The following KCNT2 variants were observed in gnomAD, a reference collection of about 807,000 sequenced individuals.
KCNT2 encodes potassium channel subfamily T member 2.
A neutral mutation model predicts 153.8 loss-of-function variants in KCNT2; 67 were observed. That is an observed-to-expected ratio of 0.44 (90% CI 0.36 to 0.53). KCNT2 has a LOEUF of 0.53. Ranked by LOEUF, KCNT2 falls within the 20% of genes least tolerant of loss-of-function variation. The pLI is 0.00. For missense variants in KCNT2, 975 were observed against 1,354.8 expected, an observed-to-expected ratio of 0.72 and a Z score of 4.40; for synonymous variants, 500 against 458.8, an observed-to-expected ratio of 1.09 and a Z score of -1.15.
intron 12 of KCNT2, among the ~76,000 whole-genome samples, chr1:196,400,162 C>A (rs1229217664): frequency 2.0e-5 from 3 of 151,598 alleles, no homozygotes; most frequent in Non-Finnish European, 4.4e-5. Flanking sequence ...CAAGTGAATA[C>A]TTGTTAATCA....
At chr1:196,336,732 C>T (rs888867859) in intron 16 of KCNT2, among the ~76,000 whole-genome samples, 1 of 152,200 alleles carries the variant, frequency 6.6e-6, no homozygotes, top group Admixed American at 6.6e-5. Context: ...AGTCAATTGA[C>T]ACTTCTCAGT....
intron 2 of KCNT2, 27 bp downstream of exon 2, chr1:196,492,235 C>G: frequency 2.9e-6 from 4 of 1,395,320 alleles, no homozygotes; most frequent in East Asian, 2.9e-5. Flanking sequence ...TATGTACGAA[C>G]AGAGGGGAAT....
chr1:196,586,099 A>T (rs1391560814), intron 1 of KCNT2, among the ~76,000 whole-genome samples: 3 of 151,940 alleles, frequency 2.0e-5, no homozygotes, highest in East Asian at 2.0e-4. Context: ...ATCTCTATTT[A>T]AAAAAATACA....
chr1:196,346,513 G>A (rs1666155991), intron 14 of KCNT2, among the ~76,000 whole-genome samples: 1 of 152,004 alleles, frequency 6.6e-6, no homozygotes, highest in Non-Finnish European at 1.5e-5. Context: ...TCTTCTCTGT[G>A]AATTCACTAA....
chr1:196,328,203 CTA>C (rs923030221), intron 18 of KCNT2, among the ~76,000 whole-genome samples: 2 of 151,962 alleles, frequency 1.3e-5, no homozygotes, highest in Non-Finnish European at 2.9e-5. Context: ...ATACCTAAAT[CTA>C]TTTCTCTGTA....
At chr1:196,355,147 GAT>G (rs1667068972) in intron 14 of KCNT2, among the ~76,000 whole-genome samples, 1 of 151,468 alleles carries the variant, frequency 6.6e-6, no homozygotes, top group Non-Finnish European at 1.5e-5. Flanking sequence ...TAAGTCTGCA[GAT>G]AGAACTGACT....
At chr1:196,606,450 G>A (rs1283635082) in intron 1 of KCNT2, among the ~76,000 whole-genome samples, 2 of 152,170 alleles carry the variant, frequency 1.3e-5, no homozygotes, top group Non-Finnish European at 2.9e-5. Flanking sequence ...AGTAGTAAAT[G>A]TGGCCTGCTT....
rs938719525 is a variant in KCNT2, at chr1:196,285,903, AT to A, written c.2596-146del. On this transcript the variant is annotated intron_variant, in intron 22 of 27. Coordinates refer to ENST00000294725, the MANE Select transcript of KCNT2 (RefSeq NM_198503.5). Reference sequence around the variant, plus strand: ...GTGTCATTACTTCACTGATAATCATATTTTTTAAACTGCCCTTTCGTTTTGC... The same window carrying A: ...GTGTCATTACTTCACTGATAATCATATTTTTAAACTGCCCTTTCGTTTTGC... 10 of 594,188 alleles carry A rather than the reference AT, an allele frequency of 1.7e-5. No individual in the cohort carries two copies. The African/African-American group carries it at 1.9e-4, about 11-fold the overall frequency. The allele number at this position is 594,188 out of a possible 1,614,324, so 36.8% of individuals were successfully genotyped here. A position where few individuals can be genotyped will look rare whatever the true frequency, so the allele number is the denominator to read the frequency against.
chr1:196,455,718 C>T (rs1019405442), intron 8 of KCNT2, among the ~76,000 whole-genome samples: 1 of 151,920 alleles, frequency 6.6e-6, no homozygotes, highest in Non-Finnish European at 1.5e-5. Context: ...TATTGGCCCT[C>T]TTAGATGATT....
intron 1 of KCNT2, among the ~76,000 whole-genome samples, chr1:196,578,746 A>C (rs1473410953): frequency 6.6e-6 from 1 of 152,168 alleles, no homozygotes; most frequent in African/African-American, 2.4e-5. Flanking sequence ...AGAGGGAGTA[A>C]CAAGGAAATA....
intron 13 of KCNT2, among the ~76,000 whole-genome samples, chr1:196,384,041 C>T (rs545270783): frequency 7.2e-5 from 11 of 152,250 alleles, no homozygotes; most frequent in Non-Finnish European, 1.5e-4. Flanking sequence ...TCTAACCACA[C>T]ACATTAAAAA....
At chr1:196,377,306 G>A (rs1211563326) in intron 13 of KCNT2, among the ~76,000 whole-genome samples, 5 of 151,862 alleles carry the variant, frequency 3.3e-5, no homozygotes, top group Admixed American at 6.6e-5. Context: ...GGGAGAGAGA[G>A]TACATTTTCA....
intron 20 of KCNT2, chr1:196,317,224 C>T: frequency 2.2e-6 from 1 of 451,322 alleles, no homozygotes; most frequent in Non-Finnish European, 4.5e-6. Context: ...AAATATTTCG[C>T]TTGAATCAGG....
At chr1:196,545,916 T>C (rs1169925010) in intron 1 of KCNT2, among the ~76,000 whole-genome samples, 1 of 152,118 alleles carries the variant, frequency 6.6e-6, no homozygotes, top group African/African-American at 2.4e-5. Context: ...TACTGAATAA[T>C]ATTCCTTTGT....
chr1:196,290,552 G>GTA (rs1660091883), intron 22 of KCNT2, among the ~76,000 whole-genome samples: 2 of 150,936 alleles, frequency 1.3e-5, no homozygotes, highest in African/African-American at 4.9e-5. Flanking sequence ...GTGTGTGTGT[G>GTA]TATATGTATA....
intron 14 of KCNT2, among the ~76,000 whole-genome samples, chr1:196,355,850 A>G (rs1667128856): frequency 6.6e-6 from 1 of 151,792 alleles, no homozygotes; most frequent in African/African-American, 2.4e-5. Flanking sequence ...TTCAGCATTA[A>G]TAAAATTTTA....
chr1:196,601,563 C>A (rs926589733), intron 1 of KCNT2, among the ~76,000 whole-genome samples: 16 of 152,136 alleles, frequency 1.1e-4, no homozygotes, highest in Non-Finnish European at 2.2e-4. Context: ...TGATAAAGAC[C>A]AATATATCCA....
chr1:196,304,548 CT>C (rs201004432), intron 22 of KCNT2, among the ~76,000 whole-genome samples: 1 of 151,814 alleles, frequency 6.6e-6, no homozygotes, highest in Non-Finnish European at 1.5e-5. Flanking sequence ...AAGACTGGGT[CT>C]TTTTTTTCCT....
At chr1:196,412,640 C>T (rs997935293) in intron 12 of KCNT2, among the ~76,000 whole-genome samples, 4 of 151,348 alleles carry the variant, frequency 2.6e-5, no homozygotes, top group Admixed American at 6.6e-5. Context: ...CAGCCCCCTA[C>T]CCCCCAGCAC....
Sources: allele counts gnomAD v4.1 joint callset (sites outside exome capture counted in the v4.1 genomes callset), GRCh38; gene constraint gnomAD v4.1.1; transcripts MANE v1.5; gene names NCBI Gene and HGNC (gene_info 2026-07-23, HGNC 2026-07-21).